GMEB1: variants seen among roughly 807,000 people sequenced by gnomAD.
The protein encoded by GMEB1 is glucocorticoid modulatory element binding protein 1.
A neutral mutation model predicts 52.4 loss-of-function variants in GMEB1; 6 were observed. The ratio of observed to expected loss-of-function variants is 0.11; its 90% CI spans 0.06 to 0.23. The LOEUF is 0.23. Ranked by LOEUF, GMEB1 falls within the 10% of genes least tolerant of loss-of-function variation. The pLI, the probability that GMEB1 is intolerant of heterozygous loss-of-function variation, is 1.00. For synonymous variants in GMEB1, 255 were observed against 244.9 expected (o/e 1.04, Z -0.38); for missense variants, 486 against 685.6 (o/e 0.71, Z 3.25).
At chr1:28,694,347 T>C (rs1401683443) in intron 5 of GMEB1, among the ~76,000 whole-genome samples, 2 of 145,928 alleles carry the variant, frequency 1.4e-5, no homozygotes, top group African/African-American at 2.5e-5. Flanking sequence ...CGTGCCACCA[T>C]ACCCAGCTAA....
intron 7 of GMEB1, 25 bp from the exon 8 acceptor site, chr1:28,704,167 C>T (rs776290475): frequency 1.3e-6 from 2 of 1,585,778 alleles, no homozygotes; most frequent in Admixed American, 1.8e-5. Flanking sequence ...CTTTTTTACC[C>T]TCTGTCTTAT....
intron 6 of GMEB1, among the ~76,000 whole-genome samples, chr1:28,698,939 GTC>G (rs1670361779): frequency 1.3e-5 from 2 of 151,976 alleles, no homozygotes; most frequent in African/African-American, 4.8e-5. Flanking sequence ...AGCCGAGATC[GTC>G]CCATATTCCA....
chr1:28,713,921 C>G lies in GMEB1; in HGVS notation c.992-152C>G, dbSNP rs563939503. The G allele has an allele frequency of 3.2e-4, 209 of 648,698 alleles. 1 individual carries two copies. Among genetic ancestry groups the G allele is most frequent in the African/African-American group, 2.4e-3 (130 of 55,312 alleles). The allele number at this position is 648,698 out of a possible 1,614,324, so 40.2% of individuals were successfully genotyped here. ...AGGCAACATAACAAGACTCTGCCCC[C>G]CAAATAAGCACAAGAAAGAAAACAA... On this transcript the variant is annotated intron_variant, in intron 9 of 9. Coordinates refer to ENST00000373816, the MANE Select transcript of GMEB1 (RefSeq NM_001319674.2).
intron 1 of GMEB1, among the ~76,000 whole-genome samples, chr1:28,670,776 G>A (rs1207621945): frequency 6.6e-6 from 1 of 152,036 alleles, no homozygotes. Context: ...CCCGGCGGGG[G>A]AAACTTATTC....
At chr1:28,713,006 A>C (rs1323068685) in intron 9 of GMEB1, among the ~76,000 whole-genome samples, 2 of 149,808 alleles carry the variant, frequency 1.3e-5, no homozygotes, top group African/African-American at 4.9e-5. Flanking sequence ...AAAAAAAAAA[A>C]CATTAGCCAG....
intron 3 of GMEB1, 31 bp from the exon 4 acceptor site, chr1:28,691,554 G>T: frequency 6.8e-7 from 1 of 1,468,020 alleles, no homozygotes; most frequent in South Asian, 1.3e-5. Flanking sequence ...AGAGTTGTTT[G>T]ATAAATAACT....
chr1:28,713,865 G>A (rs1207278536), intron 9 of GMEB1, among the ~76,000 whole-genome samples: 1 of 152,050 alleles, frequency 6.6e-6, no homozygotes, highest in African/African-American at 2.4e-5. Context: ...CGCAATGATA[G>A]CACCTGTGAA....
At chr1:28,702,395 T>C in intron 6 of GMEB1, 43 bp from the exon 7 acceptor site, 1 of 1,577,102 alleles carries the variant, frequency 6.3e-7, no homozygotes. Flanking sequence ...CTATAACTTT[T>C]TCGTTAAATT....
intron 1 of GMEB1, among the ~76,000 whole-genome samples, chr1:28,669,381 A>G (rs1295790720): frequency 2.0e-5 from 3 of 152,068 alleles, no homozygotes; most frequent in East Asian, 3.9e-4. Flanking sequence ...GGGGGACGAT[A>G]GGTGCTGGAA....
intron 2 of GMEB1, among the ~76,000 whole-genome samples, chr1:28,686,057 T>C (rs775088622): frequency 1.3e-5 from 2 of 152,308 alleles, no homozygotes; most frequent in South Asian, 2.1e-4. Context: ...TTGAAATTAC[T>C]TGGCTGGGTG....
chr1:28,692,822 G>C, intron 4 of GMEB1, 120 bp from the exon 5 acceptor site: 1 of 521,038 alleles, frequency 1.9e-6, no homozygotes, highest in Middle Eastern at 4.6e-4. Context: ...ATAATACAAG[G>C]CTTAGGATGT....
chr1:28,710,750 C>A (rs1570439164), intron 9 of GMEB1, 108 bp downstream of exon 9: 10 of 644,898 alleles, frequency 1.6e-5, no homozygotes, highest in South Asian at 1.0e-4. Context: ...TAAATAGTAT[C>A]AGATTTTGCT....
At chr1:28,711,844 C>T (rs1406678025) in intron 9 of GMEB1, among the ~76,000 whole-genome samples, 4 of 151,998 alleles carry the variant, frequency 2.6e-5, no homozygotes, top group East Asian at 3.8e-4. Flanking sequence ...CTGCATATAC[C>T]GAGCAATCAA....
intron 9 of GMEB1, 72 bp from the exon 10 acceptor site, chr1:28,714,001 C>A: frequency 9.1e-7 from 1 of 1,097,946 alleles, no homozygotes; most frequent in Non-Finnish European, 1.3e-6. Context: ...GACACCAGGT[C>A]TCCTGACTCT....
chr1:28,678,974 G>C (rs1001256111), intron 1 of GMEB1, among the ~76,000 whole-genome samples: 2 of 151,890 alleles, frequency 1.3e-5, no homozygotes, highest in Non-Finnish European at 2.9e-5. Context: ...GCAGTGCCGT[G>C]ATCTTGGCCC....
chr1:28,670,716 G>T (rs1292562234), intron 1 of GMEB1, among the ~76,000 whole-genome samples: 2 of 151,882 alleles, frequency 1.3e-5, no homozygotes, highest in Non-Finnish European at 2.9e-5. Context: ...CTTGTGATTC[G>T]CCCGCGTTGG....
intron 4 of GMEB1, among the ~76,000 whole-genome samples, chr1:28,692,438 A>G (rs1469806258): frequency 6.6e-6 from 1 of 151,980 alleles, no homozygotes; most frequent in Non-Finnish European, 1.5e-5. Context: ...AGGCTAAGGC[A>G]GGAGAATCAC....
At chr1:28,695,984 G>A (rs911294973) in intron 5 of GMEB1, among the ~76,000 whole-genome samples, 2 of 142,776 alleles carry the variant, frequency 1.4e-5, no homozygotes, top group Non-Finnish European at 3.0e-5. Context: ...ATTTTCAGAT[G>A]ATTTGTATGC....
At chr1:28,671,749 AAAAT>A (rs919575044) in intron 1 of GMEB1, among the ~76,000 whole-genome samples, 18 of 151,922 alleles carry the variant, frequency 1.2e-4, no homozygotes, top group East Asian at 3.9e-4. Flanking sequence ...GTCTCACTAA[AAAAT>A]AAATAAATAA....
Sources: allele counts gnomAD v4.1 joint callset (sites outside exome capture counted in the v4.1 genomes callset), GRCh38; gene constraint gnomAD v4.1.1; transcripts MANE v1.5; gene names NCBI Gene and HGNC (gene_info 2026-07-23, HGNC 2026-07-21).